SERPINB8: variants seen among roughly 807,000 people sequenced by gnomAD.
SERPINB8 encodes serpin B8.
A neutral mutation model predicts 35.3 loss-of-function variants in SERPINB8; 25 were observed. The observed-to-expected ratio is 0.71, with a 90% CI of 0.52 to 0.99. SERPINB8 has a LOEUF of 0.99. Among genes scored for constraint, SERPINB8 ranks in the 50% least tolerant of loss-of-function variants. SERPINB8 has a pLI of 0.00. For missense variants in SERPINB8, 484 were observed against 446.5 expected, an observed-to-expected ratio of 1.08 and a Z score of -0.76; for synonymous variants, 186 against 160.8, an observed-to-expected ratio of 1.16 and a Z score of -1.19.
At chr18:63,984,881 T>A (rs560656690) in intron 5 of SERPINB8, among the ~76,000 whole-genome samples, 1 of 29,378 alleles carries the variant, frequency 3.4e-5, no homozygotes, top group South Asian at 5.9e-4. Context: ...TACCAAACTG[T>A]TTTTTTTTTC....
At chr18:64,013,826 G>A (rs1032287798) in intron 7 of SERPINB8, among the ~76,000 whole-genome samples, 1 of 152,212 alleles carries the variant, frequency 6.6e-6, no homozygotes, top group Non-Finnish European at 1.5e-5. Context: ...GAAAGATGAT[G>A]CTTATTGAAG....
chr18:63,984,441 A>G (rs2050719925), intron 5 of SERPINB8, among the ~76,000 whole-genome samples: 1 of 152,246 alleles, frequency 6.6e-6, no homozygotes, highest in African/African-American at 2.4e-5. Context: ...ACAAGAAAAA[A>G]AAGTTAGCAG....
Position 63,987,108 on chromosome 18 carries a change from G to T in SERPINB8, c.955G>T (p.Val319Leu), listed in dbSNP as rs375110009. ...GTCCAAGGTTGCCCACAAGTGCTTCGTGGAGGTCAATGAGGAAGGCACAGA... is the reference window on the plus strand; with the variant it reads ...GTCCAAGGTTGCCCACAAGTGCTTCTTGGAGGTCAATGAGGAAGGCACAGA... The part of the protein sequence containing the change: ...PLSKVAHKCF[V>L]EVNEEGTEAA... Residue 319 changes from valine to leucine, a missense_variant, in exon 7 of 7, where the codon GTG becomes TTG. Physicochemically the swap from Val to Leu is conservative, Grantham distance 32. Coordinates refer to ENST00000397985, the MANE Select transcript of SERPINB8 (RefSeq NM_002640.4). The T allele has an allele frequency of 4.3e-6, 7 of 1,614,050 alleles. No individual in the cohort carries two copies. Among genetic ancestry groups the T allele is most frequent in the Admixed American group, 1.7e-5 (1 of 59,998 alleles).
rs193057461 is a variant in SERPINB8, at chr18:64,017,570, C to T, written c.*3-1340C>T. The stretch of plus-strand genomic sequence containing the variant: ...CCTGTACATGAACTAGTTGAATCTT[C>T]ACAAAGCCCCAATGTGTTAATATCA... On this transcript the variant is annotated intron_variant, in intron 7 of 7. Transcript: ENST00000636430. 8.3e-4 allele frequency among the ~76,000 whole-genome samples: 126 copies of T among 152,224 alleles called. 1 individual carries two copies. The highest frequency in any genetic ancestry group is 3.0e-3 in the African/African-American group (123 of 41,532).
Position 63,987,271 on chromosome 18 carries a change from C to T in SERPINB8, c.1118C>T (p.Ser373Phe). 1 of 1,611,256 alleles carries T rather than the reference C, an allele frequency of 6.2e-7. No individual in the cohort carries two copies. Among genetic ancestry groups the T allele is most frequent in the Non-Finnish European group, 8.5e-7 (1 of 1,178,210 alleles). Residue 373 changes from serine to phenylalanine, a missense_variant, in exon 7 of 7, where the codon TCT becomes TTT. Ser to Phe is a radical substitution (Grantham distance 155). Coordinates refer to ENST00000397985, the MANE Select transcript of SERPINB8 (RefSeq NM_002640.4). ...ATCTTGTTCTGTGGCAGGTTCTCTT[C>T]TCCGTAAAGAGGAGCAATTGCTGTA... Reference protein sequence around the residue: ...NCILFCGRFSSP With the variant: ...NCILFCGRFSFP
At chr18:64,015,920 T>G (rs1231609992) in intron 7 of SERPINB8, among the ~76,000 whole-genome samples, 2 of 152,166 alleles carry the variant, frequency 1.3e-5, no homozygotes, top group South Asian at 4.1e-4. Flanking sequence ...CTCCTCCTAA[T>G]AAAAAGAGTG....
downstream of SERPINB8, among the ~76,000 whole-genome samples, chr18:63,992,020 G>A (rs952442436): frequency 3.9e-5 from 6 of 152,258 alleles, no homozygotes; most frequent in African/African-American, 1.4e-4. Flanking sequence ...ATTTTGTCTA[G>A]TATTGGATGC....
At chr18:64,015,758 C>T (rs1300594493) in intron 7 of SERPINB8, among the ~76,000 whole-genome samples, 13 of 152,200 alleles carry the variant, frequency 8.5e-5, no homozygotes, top group African/African-American at 2.4e-4. Context: ...CATTTTCCAG[C>T]GACACTTCTT....
chr18:63,983,751 ACTTT>A, intron 5 of SERPINB8, 30 bp downstream of exon 5: 1 of 1,518,610 alleles, frequency 6.6e-7, no homozygotes, highest in Non-Finnish European at 9.1e-7. Flanking sequence ...ATATACTGCT[ACTTT>A]CTTAAAGTAA....
chr18:63,986,539 C>A, intron 6 of SERPINB8: 4 of 1,330,586 alleles, frequency 3.0e-6, no homozygotes, highest in Non-Finnish European at 3.8e-6. Context: ...GTATGTATTG[C>A]ATGAAGATTA....
At chr18:64,008,247 CT>C (rs1020837776), downstream of SERPINB8, among the ~76,000 whole-genome samples, 1 of 151,668 alleles carries the variant, frequency 6.6e-6, no homozygotes, top group Non-Finnish European at 1.5e-5. Context: ...TTTCCAGTAC[CT>C]TTTTATTTTT....
intron 1 of SERPINB8, 168 bp downstream of exon 1, chr18:63,970,338 C>T: frequency 5.8e-6 from 1 of 173,910 alleles, no homozygotes; most frequent in Non-Finnish European, 1.2e-5. Context: ...CGGCGGGAGG[C>T]GGCCGGGAAA....
downstream of SERPINB8, among the ~76,000 whole-genome samples, chr18:64,006,764 C>T (rs2050901812): frequency 6.6e-6 from 1 of 151,936 alleles, no homozygotes; most frequent in Admixed American, 6.6e-5. Context: ...ATACTTATGA[C>T]TAGAGTACTT....
chr18:64,005,852 T>C (rs565215037), downstream of SERPINB8, among the ~76,000 whole-genome samples: 33 of 152,286 alleles, frequency 2.2e-4, no homozygotes, highest in Admixed American at 5.9e-4. Flanking sequence ...ATGTGGGTTT[T>C]CTACTTGGCC....
intron 7 of SERPINB8, among the ~76,000 whole-genome samples, chr18:64,011,593 T>C (rs1241634974): frequency 6.6e-6 from 1 of 152,178 alleles, no homozygotes. Flanking sequence ...GGTGCCTATA[T>C]TGTTGTCACC....
At chr18:63,995,654 G>A (rs1438178189) in intron 1 of SERPINB8, among the ~76,000 whole-genome samples, 1 of 152,198 alleles carries the variant, frequency 6.6e-6, no homozygotes, top group Non-Finnish European at 1.5e-5. Flanking sequence ...GGCTGTGAGT[G>A]TACCCAATTA....
At chr18:63,990,777 C>T (rs2050821571), downstream of SERPINB8, among the ~76,000 whole-genome samples, 1 of 149,090 alleles carries the variant, frequency 6.7e-6, no homozygotes, top group Non-Finnish European at 1.5e-5. Context: ...AAAAGCAGTT[C>T]TTAATTTTGA....
chr18:63,975,810 A>C (rs994332284), intron 1 of SERPINB8, among the ~76,000 whole-genome samples: 2 of 152,176 alleles, frequency 1.3e-5, no homozygotes, highest in African/African-American at 4.8e-5. Context: ...AACATCCAAC[A>C]GTGAAGATAC....
intron 1 of SERPINB8, among the ~76,000 whole-genome samples, chr18:63,994,470 T>A (rs1027919669): frequency 6.6e-6 from 1 of 151,818 alleles, no homozygotes; most frequent in Admixed American, 6.6e-5. Flanking sequence ...TCTGCAAGAG[T>A]CTGAGGGTAC....
Sources: gnomAD v4.1 joint callset for allele counts (sites outside exome capture counted in the v4.1 genomes callset) on GRCh38, gnomAD v4.1.1 for gene constraint, MANE v1.5 for transcripts, NCBI Gene and HGNC (gene_info 2026-07-23, HGNC 2026-07-21) for gene names.